Variants in UBN2 observed in about 807,000 individuals in gnomAD.
UBN2 encodes ubinuclein-2.
UBN2 carries 35 observed loss-of-function variants against 120.2 expected under a neutral mutation model. The ratio of observed to expected loss-of-function variants is 0.29; its 90% CI spans 0.22 to 0.39. UBN2 has a LOEUF of 0.39. Among genes scored for constraint, UBN2 ranks in the 10% least tolerant of loss-of-function variants. The pLI is 1.00. For missense variants in UBN2, 1,693 were observed against 1,663.2 expected (o/e 1.02, Z -0.31); for synonymous variants, 661 against 648.7 (o/e 1.02, Z -0.29).
chr7:139,254,966 A>T (rs1295788902), intron 3 of UBN2, among the ~76,000 whole-genome samples: 1 of 152,210 alleles, frequency 6.6e-6, no homozygotes, highest in Non-Finnish European at 1.5e-5. Flanking sequence ...ACCGAAGTCC[A>T]TAGTTCACAT....
rs1796636805 is a variant in UBN2, at chr7:139,252,001, A to C, written c.607A>C (p.Ile203Leu). 6.2e-7 allele frequency: 1 copy of C among 1,614,040 alleles called. No individual in the cohort carries two copies. Among genetic ancestry groups the C allele is most frequent in the African/African-American group, 1.3e-5 (1 of 74,928 alleles). ...CCGGAAGGATCGGCTACAAGATTTA[A>C]TTGATATAGGCTTTGGCTATGATGA... ...KHRKDRLQDL[I>L]DIGFGYDETD... Residue 203 changes from isoleucine (I) to leucine (L), a missense_variant, in exon 3 of 18, where the codon ATT becomes CTT. Transcript: ENST00000473989.
At chr7:139,270,990 C>T (rs1797254893) in intron 8 of UBN2, among the ~76,000 whole-genome samples, 1 of 151,784 alleles carries the variant, frequency 6.6e-6, no homozygotes, top group Non-Finnish European at 1.5e-5. Context: ...CTCCATTCTC[C>T]AGGCTGGTCT....
chr7:139,237,166 G>T, intron 2 of UBN2, 69 bp downstream of exon 2: 1 of 1,106,616 alleles, frequency 9.0e-7, no homozygotes, highest in Admixed American at 1.9e-5. Context: ...GTGGCTGGTT[G>T]GGAGGGCCTA....
intron 2 of UBN2, 45 bp downstream of exon 2, chr7:139,237,142 C>A: frequency 7.0e-7 from 1 of 1,431,046 alleles, no homozygotes; most frequent in Non-Finnish European, 9.7e-7. Context: ...ATCCTATTGA[C>A]CTGTTTGCTT....
At chr7:139,254,564 G>T (rs1796709264) in intron 3 of UBN2, among the ~76,000 whole-genome samples, 1 of 152,140 alleles carries the variant, frequency 6.6e-6, no homozygotes, top group Non-Finnish European at 1.5e-5. Flanking sequence ...GCACCACCCG[G>T]TTTTCTCTGC....
the UBN2 span, among the ~76,000 whole-genome samples, chr7:139,327,238 G>A: frequency 6.6e-6 from 1 of 152,104 alleles, no homozygotes; most frequent in Non-Finnish European, 1.5e-5. Flanking sequence ...TCTCCATGTT[G>A]GTCAGGCTGG....
At chr7:139,285,039 T>A (rs1797743794) in intron 15 of UBN2, among the ~76,000 whole-genome samples, 1 of 152,212 alleles carries the variant, frequency 6.6e-6, no homozygotes, top group African/African-American at 2.4e-5. Flanking sequence ...ATTCATGTTA[T>A]TTTTTAAATC....
At chr7:139,273,076 A>T (rs1322806973) in intron 9 of UBN2, among the ~76,000 whole-genome samples, 1 of 152,222 alleles carries the variant, frequency 6.6e-6, no homozygotes, top group African/African-American at 2.4e-5. Flanking sequence ...TTTCTGACCT[A>T]AAAGGTGAAT....
chr7:139,300,003 C>G lies in UBN2; in HGVS notation c.*2167C>G, dbSNP rs1207783138. On this transcript the variant is annotated 3_prime_UTR_variant, in exon 18 of 18. Coordinates refer to ENST00000473989, the MANE Select transcript of UBN2 (RefSeq NM_173569.4). ...GTATATATACATACACACATACATT[C>G]ATATAAATGACTAGTTTGAGTCAAA... is the stretch of plus-strand genomic sequence containing the variant. The G allele has an allele frequency of 6.6e-6, 1 of 152,056 alleles. No homozygotes were observed. The highest frequency in any genetic ancestry group is 1.5e-5 in the Non-Finnish European group (1 of 67,994). The allele number at this position is 152,056 out of a possible 1,614,324, so 9.4% of individuals were successfully genotyped here.
intron 1 of UBN2, among the ~76,000 whole-genome samples, chr7:139,236,669 C>T (rs965092641): frequency 2.6e-5 from 4 of 151,496 alleles, no homozygotes; most frequent in Admixed American, 6.6e-5. Context: ...AGTTCTTACT[C>T]ATCAAAACAC....
intron 2 of UBN2, among the ~76,000 whole-genome samples, chr7:139,242,244 G>A (rs1346790406): frequency 1.3e-5 from 2 of 152,142 alleles, no homozygotes; most frequent in East Asian, 1.9e-4. Flanking sequence ...AAGCATTTGT[G>A]TACTGTTTCT....
intron 9 of UBN2, 124 bp from the exon 10 acceptor site, chr7:139,273,173 G>T: frequency 1.9e-6 from 1 of 524,212 alleles, no homozygotes. Context: ...ATGTGGAAAG[G>T]TAGATTCCGT....
chr7:139,314,601 T>G, the UBN2 span, among the ~76,000 whole-genome samples: 6 of 152,078 alleles, frequency 3.9e-5, no homozygotes, highest in African/African-American at 1.4e-4. Context: ...GTGTCCTGCC[T>G]CAGCCTCCCA....
chr7:139,231,732 C>T lies in UBN2; in HGVS notation c.248C>T (p.Pro83Leu). The T allele has an allele frequency of 1.7e-6, 2 of 1,198,456 alleles. No homozygotes were observed. The highest frequency in any genetic ancestry group is 2.1e-6 in the Non-Finnish European group (2 of 971,004). 74.2% of individuals were successfully genotyped at this position (1,198,456 alleles called of 1,614,324 possible). A position where few individuals can be genotyped will look rare whatever the true frequency, so the allele number is the denominator to read the frequency against. The change falls in exon 1 of 18, where the codon CCC (proline) becomes CTC (leucine). Residue 83 changes from proline to leucine, a missense_variant. Physicochemically the swap from Pro to Leu is moderately conservative, Grantham distance 98. This residue lies in a region of UBN2 where 663 missense variants were observed against 591.2 expected (regional missense o/e 1.12). Transcript: ENST00000473989. Reference protein sequence around the residue: ...PQREVSRAEPPMSLQREPPRP... With the variant: ...PQREVSRAEPLMSLQREPPRP... ...CGCGAGGTCAGCCGCGCCGAGCCGCCCATGTCGCTGCAGCGGGAGCCCCCG... is the reference window on the plus strand; with the variant it reads ...CGCGAGGTCAGCCGCGCCGAGCCGCTCATGTCGCTGCAGCGGGAGCCCCCG...
intron 6 of UBN2, among the ~76,000 whole-genome samples, chr7:139,265,847 C>T (rs1797081062): frequency 6.6e-6 from 1 of 152,116 alleles, no homozygotes; most frequent in East Asian, 1.9e-4. Context: ...GGACCATGGG[C>T]CTGCTGACAC....
intron 13 of UBN2, 109 bp downstream of exon 13, chr7:139,279,469 A>G: frequency 2.6e-6 from 2 of 771,220 alleles, no homozygotes; most frequent in Non-Finnish European, 4.1e-6. Context: ...AGGCACTATA[A>G]GATAGATGTT....
intron 17 of UBN2, 128 bp downstream of exon 17, chr7:139,294,109 C>A: frequency 1.3e-6 from 1 of 799,210 alleles, no homozygotes; most frequent in Non-Finnish European, 2.0e-6. Flanking sequence ...AGACTGAATC[C>A]TCATTCCTCA....
rs904245507 is a variant in UBN2 at position 139,240,372 on chromosome 7, C to T, written c.561+3275C>T. Among the ~76,000 whole-genome samples the T allele has an allele frequency of 1.0e-4, 15 of 149,428 alleles. 1 individual carries two copies. Among genetic ancestry groups the T allele is most frequent in the Non-Finnish European group, 1.9e-4 (13 of 67,544 alleles). ...AAACTCATGAGCCTAAGCAATCCAC[C>T]TGCCTCAGCCTCCCAAAGTGCTGAG... On this transcript the variant is annotated intron_variant, in intron 2 of 17. Transcript: ENST00000473989.
chr7:139,235,628 A>G (rs1421363017), intron 1 of UBN2, among the ~76,000 whole-genome samples: 1 of 152,064 alleles, frequency 6.6e-6, no homozygotes, highest in African/African-American at 2.4e-5. Context: ...CCTGGTCTTG[A>G]ACTCTTGACC....
Sources: gnomAD v4.1 joint callset for allele counts (sites outside exome capture counted in the v4.1 genomes callset) on GRCh38, gnomAD v4.1.1 for gene constraint, gnomAD v4.1.1 regional missense constraint, MANE v1.5 for transcripts, NCBI Gene and HGNC (gene_info 2026-07-23, HGNC 2026-07-21) for gene names.